DAPK1: variants seen among roughly 807,000 people sequenced by gnomAD.
The protein encoded by DAPK1 is death associated protein kinase 1, also known as death-associated protein kinase 1.
A neutral mutation model predicts 144.9 loss-of-function variants in DAPK1; 56 were observed. The ratio of observed to expected loss-of-function variants is 0.39; its 90% CI spans 0.31 to 0.48. DAPK1 has a LOEUF of 0.48. DAPK1 is among the 20% of genes least tolerant of loss of function. The probability of loss-of-function intolerance (pLI) is 0.95; values close to 1 mark genes in which losing one functional copy is unlikely to be tolerated. For missense variants in DAPK1, 1,454 were observed against 1,875.4 expected, an observed-to-expected ratio of 0.78 and a Z score of 4.15; for synonymous variants, 690 against 749.0, an observed-to-expected ratio of 0.92 and a Z score of 1.29.
intron 2 of DAPK1, among the ~76,000 whole-genome samples, chr9:87,510,509 G>C (rs989236571): frequency 5.3e-5 from 8 of 152,222 alleles, no homozygotes; most frequent in African/African-American, 1.7e-4. Flanking sequence ...GAAGGCTCCT[G>C]CTCTGATTTC....
chr9:87,586,619 G>A (rs1221502044), intron 2 of DAPK1, among the ~76,000 whole-genome samples: 1 of 151,946 alleles, frequency 6.6e-6, no homozygotes, highest in Non-Finnish European at 1.5e-5. Flanking sequence ...AAGATAATCA[G>A]ACTAAGTTTT....
chr9:87,620,713 T>C (rs1829265580), intron 3 of DAPK1, among the ~76,000 whole-genome samples: 1 of 151,944 alleles, frequency 6.6e-6, no homozygotes, highest in African/African-American at 2.4e-5. Context: ...GAGGAGCTGG[T>C]GGTGGTCTGT....
At chr9:87,518,099 G>GGTTTTTTT (rs763027342) in intron 2 of DAPK1, among the ~76,000 whole-genome samples, 9 of 126,044 alleles carry the variant, frequency 7.1e-5, no homozygotes, top group African/African-American at 3.1e-4. Flanking sequence ...TGCCGTTTAT[G>GGTTTTTTT]TTGTTGTTTT....
chr9:87,643,547 C>A, intron 11 of DAPK1, 79 bp downstream of exon 11: 2 of 957,178 alleles, frequency 2.1e-6, no homozygotes, highest in Non-Finnish European at 3.3e-6. Flanking sequence ...ATTTGTTCAA[C>A]CTCCCAGGAA....
At chr9:87,656,597 A>G (rs1402631044) in intron 17 of DAPK1, among the ~76,000 whole-genome samples, 1 of 152,236 alleles carries the variant, frequency 6.6e-6, no homozygotes, top group Non-Finnish European at 1.5e-5. Context: ...AAGAAATATG[A>G]ATGTATCCCA....
In DAPK1 at chr9:87,651,704, A is replaced by G. The variant is rs1236167892; in HGVS notation, c.1804A>G (p.Asn602Asp). The change falls in exon 17 of 26, where the codon AAT (asparagine) becomes GAT (aspartate). Residue 602 changes from asparagine (N) to aspartate (D), a missense_variant. Physicochemically the swap from Asn to Asp is conservative, Grantham distance 23 (BLOSUM62 1). This residue lies in a region of DAPK1 where 1,025 missense variants were observed against 1,237.9 expected (regional missense o/e 0.83). Coordinates refer to ENST00000408954, the MANE Select transcript of DAPK1 (RefSeq NM_004938.4). ...GGTGGCCCTCTGTGAAGCAAACTGC[A>G]ATTTGGACATCTCCAACAAGGTATG... is the stretch of plus-strand genomic sequence containing the variant. ...IVVALCEANC[N>D]LDISNKYGRT... 4.3e-6 allele frequency: 7 copies of G among 1,614,046 alleles called. No homozygotes were observed. The Admixed American group carries it at 6.7e-5, about 15-fold the overall frequency.
At chr9:87,617,427 G>A (rs537824013) in intron 3 of DAPK1, among the ~76,000 whole-genome samples, 1 of 152,096 alleles carries the variant, frequency 6.6e-6, no homozygotes, top group Non-Finnish European at 1.5e-5. Context: ...CATCTCAGAA[G>A]GGATGCGAGT....
intron 22 of DAPK1, among the ~76,000 whole-genome samples, 156 bp downstream of exon 22, chr9:87,697,360 A>G (rs1825296723): frequency 6.6e-6 from 1 of 152,230 alleles, no homozygotes. Flanking sequence ...CAGCTGAGCC[A>G]ACTTCCTTTC....
intron 2 of DAPK1, among the ~76,000 whole-genome samples, chr9:87,514,676 C>T (rs146964234): frequency 2.0e-5 from 3 of 152,102 alleles, no homozygotes; most frequent in South Asian, 4.2e-4. Flanking sequence ...GAACAAAGCC[C>T]GACACGATTA....
At chr9:87,628,328 G>A (rs1035289675) in intron 3 of DAPK1, among the ~76,000 whole-genome samples, 12 of 152,316 alleles carry the variant, frequency 7.9e-5, no homozygotes, top group African/African-American at 2.9e-4. Context: ...GAGGCCTTAA[G>A]GTTAGGAACT....
intron 23 of DAPK1, among the ~76,000 whole-genome samples, chr9:87,699,093 G>A (rs1182308804): frequency 6.6e-6 from 1 of 152,148 alleles, no homozygotes; most frequent in Non-Finnish European, 1.5e-5. Flanking sequence ...CATTTCCTTT[G>A]CATGTCTTGT....
intron 3 of DAPK1, among the ~76,000 whole-genome samples, chr9:87,623,819 C>T (rs1564028652): frequency 1.3e-5 from 2 of 152,110 alleles, no homozygotes; most frequent in Non-Finnish European, 2.9e-5. Flanking sequence ...GGTGAAAAAA[C>T]ATCCACCTCT....
intron 19 of DAPK1, among the ~76,000 whole-genome samples, chr9:87,669,770 G>GA (rs201217492): frequency 4.0e-5 from 6 of 151,894 alleles, no homozygotes; most frequent in Non-Finnish European, 5.9e-5. Context: ...GGGCAGGGGG[G>GA]GGCCACAGAT....
At chr9:87,567,790 C>T (rs1361802868) in intron 2 of DAPK1, among the ~76,000 whole-genome samples, 3 of 152,122 alleles carry the variant, frequency 2.0e-5, no homozygotes, top group Admixed American at 6.5e-5. Flanking sequence ...CCCTCCATGG[C>T]GTCCCTCCCA....
chr9:87,584,074 A>C (rs1289983619), intron 2 of DAPK1, among the ~76,000 whole-genome samples: 1 of 152,192 alleles, frequency 6.6e-6, no homozygotes, highest in East Asian at 1.9e-4. Context: ...TGACAGATAA[A>C]ATTGCATGCA....
chr9:87,613,490 G>A (rs759469293), intron 3 of DAPK1, among the ~76,000 whole-genome samples: 1 of 152,216 alleles, frequency 6.6e-6, no homozygotes, highest in Admixed American at 6.5e-5. Context: ...TCACGGTTCA[G>A]TTGGCTCACT....
At chr9:87,675,560 G>A (rs922162474) in intron 19 of DAPK1, among the ~76,000 whole-genome samples, 1 of 152,032 alleles carries the variant, frequency 6.6e-6, no homozygotes, top group Non-Finnish European at 1.5e-5. Context: ...CTTACCCAGC[G>A]GGTGAGGAGT....
Position 87,708,109 on chromosome 9 carries a change from GTGT to G in DAPK1, c.*751_*753del. On this transcript the variant is annotated 3_prime_UTR_variant, in exon 26 of 26. Coordinates refer to ENST00000408954, the MANE Select transcript of DAPK1 (RefSeq NM_004938.4). The stretch of plus-strand genomic sequence containing the variant: ...CTCCTCCAGGGTGATTTTATGATCA[GTGT>G]TGTTGCTCTAGGAAGACATTTTTCC... 3.5e-6 allele frequency: 1 copy of G among 284,600 alleles called. No individual in the cohort carries two copies. The highest frequency in any genetic ancestry group is 6.9e-6 in the Non-Finnish European group (1 of 145,454). 17.6% of individuals were successfully genotyped at this position (284,600 alleles called of 1,614,324 possible). A position where few individuals can be genotyped will look rare whatever the true frequency, so the allele number is the denominator to read the frequency against.
chr9:87,520,205 T>G (rs1231228349), intron 2 of DAPK1, among the ~76,000 whole-genome samples: 1 of 152,140 alleles, frequency 6.6e-6, no homozygotes, highest in African/African-American at 2.4e-5. Flanking sequence ...GAGTTGCACC[T>G]AGGGAGAAGA....
Sources: allele counts gnomAD v4.1 joint callset (sites outside exome capture counted in the v4.1 genomes callset), GRCh38; gene constraint gnomAD v4.1.1; regional missense constraint gnomAD v4.1.1; transcripts MANE v1.5; gene names NCBI Gene and HGNC (gene_info 2026-07-23, HGNC 2026-07-21).